Variants in DAB1 observed in about 807,000 individuals in gnomAD.
DAB1 encodes disabled homolog 1.
DAB1 carries 15 observed loss-of-function variants against 64.6 expected under a neutral mutation model. That is an observed-to-expected ratio of 0.23 (90% CI 0.16 to 0.36). DAB1 has a LOEUF of 0.36. Ranked by LOEUF, DAB1 falls within the 10% of genes least tolerant of loss-of-function variation. DAB1 has a pLI of 1.00. For synonymous variants in DAB1, 235 were observed against 251.9 expected (o/e 0.93, Z 0.64); for missense variants, 596 against 706.7 (o/e 0.84, Z 1.78).
chr1:57,489,905 T>C (rs1644140935), intron 7 of DAB1, among the ~76,000 whole-genome samples: 1 of 152,180 alleles, frequency 6.6e-6, no homozygotes, highest in East Asian at 1.9e-4. Flanking sequence ...ACTCATACGT[T>C]GAAACCTAAT....
intron 4 of DAB1, among the ~76,000 whole-genome samples, chr1:58,284,320 C>A (rs541138463): frequency 6.6e-6 from 1 of 152,374 alleles, no homozygotes; most frequent in African/African-American, 2.4e-5. Flanking sequence ...TCTGTTAACC[C>A]TTTCCAGCCT....
At chr1:57,415,016 G>T (rs1279135672) in intron 1 of DAB1, among the ~76,000 whole-genome samples, 1 of 152,088 alleles carries the variant, frequency 6.6e-6, no homozygotes, top group Non-Finnish European at 1.5e-5. Context: ...ATTATAAAAT[G>T]TATACGGAAG....
chr1:57,697,420 TCTAAAAAAAAA>T, intron 6 of DAB1, among the ~76,000 whole-genome samples: 1 of 122,334 alleles, frequency 8.2e-6, no homozygotes, highest in African/African-American at 3.2e-5. Flanking sequence ...AGCTCACGTT[TCTAAAAAAAAA>T]AAAAAAAAAA....
At chr1:58,011,450 G>C (rs1646667335) in intron 5 of DAB1, among the ~76,000 whole-genome samples, 1 of 152,124 alleles carries the variant, frequency 6.6e-6, no homozygotes, top group Non-Finnish European at 1.5e-5. Context: ...TATTTTAAGA[G>C]GAAGCTGAGG....
intron 4 of DAB1, among the ~76,000 whole-genome samples, chr1:58,313,448 C>G (rs1340487225): frequency 6.6e-6 from 1 of 152,106 alleles, no homozygotes; most frequent in Non-Finnish European, 1.5e-5. Context: ...GGCAGAGAAC[C>G]AATCCTGTAA....
intron 7 of DAB1, among the ~76,000 whole-genome samples, chr1:57,594,666 C>T (rs1397264122): frequency 6.6e-6 from 1 of 152,094 alleles, no homozygotes; most frequent in African/African-American, 2.4e-5. Flanking sequence ...CAATCCAAGA[C>T]GTTTAGGGGA....
At chr1:58,403,278 G>C (rs1259438611) in intron 3 of DAB1, among the ~76,000 whole-genome samples, 1 of 142,586 alleles carries the variant, frequency 7.0e-6, no homozygotes, top group Non-Finnish European at 1.5e-5. Flanking sequence ...AACCAAAATA[G>C]TTATCTATTT....
At chr1:57,174,808 G>T (rs556415897) in intron 2 of DAB1, among the ~76,000 whole-genome samples, 1 of 152,236 alleles carries the variant, frequency 6.6e-6, no homozygotes, top group East Asian at 1.9e-4. Flanking sequence ...CGCTTACTAA[G>T]AATCTCATAC....
intron 2 of DAB1, among the ~76,000 whole-genome samples, chr1:57,288,128 G>A (rs1672479442): frequency 1.3e-5 from 2 of 152,094 alleles, no homozygotes. Context: ...ATGTGCCTTG[G>A]CCCAGACAAA....
Position 58,094,419 on chromosome 1 carries a change from C to T in DAB1, n.387+56092G>A, listed in dbSNP as rs1650863696. 1.3e-5 allele frequency among the ~76,000 whole-genome samples: 2 copies of T among 152,178 alleles called. 1 individual carries two copies. The highest frequency in any genetic ancestry group is 4.1e-4 in the South Asian group (2 of 4,830). On this transcript the variant is annotated intron_variant and non_coding_transcript_variant, in intron 5 of 20. Transcript: ENST00000485760. ...TCTCTGTGAAATTCTTCCTTACTTCCTCATTTGTTTTGCTTTTAGGAAGCA... is the reference window on the plus strand; with the variant it reads ...TCTCTGTGAAATTCTTCCTTACTTCTTCATTTGTTTTGCTTTTAGGAAGCA...
chr1:58,039,147 A>G (rs572101970), intron 5 of DAB1, among the ~76,000 whole-genome samples: 218 of 152,260 alleles, frequency 1.4e-3, no homozygotes, highest in African/African-American at 5.1e-3. Context: ...GCTAATTCCT[A>G]GAGATAGTAA....
intron 3 of DAB1, among the ~76,000 whole-genome samples, chr1:58,492,253 A>G (rs1210413903): frequency 6.6e-6 from 1 of 152,240 alleles, no homozygotes; most frequent in Non-Finnish European, 1.5e-5. Flanking sequence ...TCTCTGAGAC[A>G]CATTCAAAGC....
intron 6 of DAB1, among the ~76,000 whole-genome samples, chr1:57,735,136 A>G (rs1647622005): frequency 6.6e-6 from 1 of 152,162 alleles, no homozygotes; most frequent in South Asian, 2.1e-4. Context: ...TTCCATTCCA[A>G]AGCATAATTT....
At chr1:57,671,110 C>T (rs968659253) in intron 6 of DAB1, among the ~76,000 whole-genome samples, 2 of 152,072 alleles carry the variant, frequency 1.3e-5, no homozygotes, top group African/African-American at 4.8e-5. Flanking sequence ...CCCTGAATAG[C>T]TTCAATCCAT....
intron 7 of DAB1, among the ~76,000 whole-genome samples, chr1:57,452,747 T>C (rs1233289181): frequency 6.6e-6 from 1 of 151,988 alleles, no homozygotes; most frequent in Non-Finnish European, 1.5e-5. Context: ...TTAAAGGATA[T>C]TACAATAGCA....
At chr1:57,417,623 T>A (rs1378116486) in intron 1 of DAB1, among the ~76,000 whole-genome samples, 1 of 152,196 alleles carries the variant, frequency 6.6e-6, no homozygotes, top group Non-Finnish European at 1.5e-5. Flanking sequence ...CACATCTTAC[T>A]AAGAACAGGA....
At chr1:58,266,769 CA>C (rs989631686) in intron 4 of DAB1, among the ~76,000 whole-genome samples, 1 of 151,976 alleles carries the variant, frequency 6.6e-6, no homozygotes, top group African/African-American at 2.4e-5. Flanking sequence ...TGAATGATGA[CA>C]AAAAACAATA....
intron 1 of DAB1, among the ~76,000 whole-genome samples, chr1:57,391,379 C>T (rs564880): frequency 0.41 from 62,439 of 151,984 alleles, 13,394 homozygotes; most frequent in African/African-American, 0.47. Flanking sequence ...CTCACAGTTC[C>T]TTATTATAGA....
chr1:58,250,040 ACCCAGGAGGCT>A (rs1660734138), intron 4 of DAB1, among the ~76,000 whole-genome samples: 1 of 151,516 alleles, frequency 6.6e-6, no homozygotes, highest in East Asian at 2.0e-4. Context: ...TCCAGTTCCC[ACCCAGGAGGCT>A]CCCTCGCGGC....
Sources: allele counts gnomAD v4.1 joint callset (sites outside exome capture counted in the v4.1 genomes callset), GRCh38; gene constraint gnomAD v4.1.1; transcripts MANE v1.5; gene names NCBI Gene and HGNC (gene_info 2026-07-23, HGNC 2026-07-21).